PDZD2: variants seen among roughly 807,000 people sequenced by gnomAD.
PDZD2 encodes PDZ domain-containing protein 2.
A neutral mutation model predicts 220.7 loss-of-function variants in PDZD2; 90 were observed. The ratio of observed to expected loss-of-function variants is 0.41; its 90% CI spans 0.34 to 0.49. The LOEUF is 0.49. PDZD2 is among the 20% of genes least tolerant of loss of function. The pLI is 0.28. For missense variants in PDZD2, 3,174 were observed against 3,608.5 expected (o/e 0.88, Z 3.08); for synonymous variants, 1,375 against 1,450.5 (o/e 0.95, Z 1.18).
intron 1 of PDZD2, among the ~76,000 whole-genome samples, chr5:31,662,251 C>T (rs1217312385): frequency 1.3e-5 from 2 of 152,066 alleles, no homozygotes; most frequent in Admixed American, 6.6e-5. Context: ...GCAGAGGTTG[C>T]AGTGGGCTGA....
chr5:31,776,065 G>C (rs1752626474), intron 1 of PDZD2, among the ~76,000 whole-genome samples: 1 of 152,144 alleles, frequency 6.6e-6, no homozygotes, highest in Admixed American at 6.5e-5. Context: ...GTCTGGTTTG[G>C]AGTCCTGACA....
intron 1 of PDZD2, chr5:31,725,852 C>A (rs763482549): frequency 2.9e-5 from 23 of 787,492 alleles, no homozygotes; most frequent in Non-Finnish European, 5.3e-5. Flanking sequence ...ATGGCTTCTG[C>A]TACGCCGTGG....
intron 2 of PDZD2, among the ~76,000 whole-genome samples, chr5:31,842,878 G>GT (rs2150286278): frequency 1.3e-5 from 2 of 151,702 alleles, no homozygotes; most frequent in African/African-American, 4.8e-5. Context: ...TTGTTGTTTT[G>GT]TTTTTTCTTT....
At chr5:31,910,763 C>G (rs1315109770) in intron 2 of PDZD2, among the ~76,000 whole-genome samples, 2 of 151,922 alleles carry the variant, frequency 1.3e-5, no homozygotes, top group Admixed American at 1.3e-4. Context: ...CTCCTGACCT[C>G]AAGCTATCCA....
At position 32,065,973 on chromosome 5, in the gene PDZD2, G is replaced by A. The variant is rs368820993; in HGVS notation, c.2452-3596G>A. 1.7e-4 allele frequency among the ~76,000 whole-genome samples: 25 copies of A among 151,224 alleles called. No individual in the cohort carries two copies. The South Asian group carries it at 1.9e-3, about 11-fold the overall frequency. ...TGGGAGGCGGAGGTTGCAGTGAGCCGAGATCGCACCATCACACTCCAGCCT... is the reference window on the plus strand; with the variant it reads ...TGGGAGGCGGAGGTTGCAGTGAGCCAAGATCGCACCATCACACTCCAGCCT... On this transcript the variant is annotated intron_variant, in intron 14 of 24. Coordinates refer to ENST00000438447, the MANE Select transcript of PDZD2 (RefSeq NM_178140.4).
intron 1 of PDZD2, among the ~76,000 whole-genome samples, chr5:31,674,789 T>C: frequency 6.6e-6 from 1 of 152,018 alleles, no homozygotes; most frequent in South Asian, 2.1e-4. Context: ...GGTATGGTAC[T>C]GTGAGCTCTA....
At chr5:31,662,874 C>CCAA (rs1745830840) in intron 1 of PDZD2, among the ~76,000 whole-genome samples, 1 of 152,212 alleles carries the variant, frequency 6.6e-6, no homozygotes, top group Non-Finnish European at 1.5e-5. Flanking sequence ...TTGTGATCCA[C>CCAA]CCGCTGTGGC....
intron 2 of PDZD2, among the ~76,000 whole-genome samples, chr5:31,877,470 C>T (rs572069814): frequency 1.3e-3 from 203 of 152,096 alleles, no homozygotes; most frequent in Non-Finnish European, 2.2e-3. Context: ...CTGTCTCCCT[C>T]GGCCTCTCAA....
intron 1 of PDZD2, among the ~76,000 whole-genome samples, chr5:31,643,277 A>G (rs753092738): frequency 1.3e-5 from 2 of 152,212 alleles, no homozygotes; most frequent in Admixed American, 6.5e-5. Context: ...GCTGTGGATG[A>G]AAAGTTTTGG....
chr5:31,874,462 C>G (rs1324896482), intron 2 of PDZD2, among the ~76,000 whole-genome samples: 1 of 151,996 alleles, frequency 6.6e-6, no homozygotes, highest in East Asian at 1.9e-4. Flanking sequence ...CTTTTCAAAA[C>G]TTGAAAGAGA....
rs544848718 is a variant in PDZD2, at chr5:31,882,795, G to A, written c.476+83071G>A. Among the ~76,000 whole-genome samples the A allele has an allele frequency of 2.6e-4, 40 of 152,036 alleles. No individual in the cohort carries two copies. The East Asian group carries it at 5.0e-3, about 19-fold the overall frequency. On this transcript the variant is annotated intron_variant, in intron 2 of 24. Coordinates refer to ENST00000438447, the MANE Select transcript of PDZD2 (RefSeq NM_178140.4). ...TAAAATCCCAGCACTTTGGGAGGCC[G>A]AGGTGGGCGGATCACTTGAGGCCAG...
chr5:31,705,987 G>A (rs957836462), intron 1 of PDZD2, among the ~76,000 whole-genome samples: 1 of 152,122 alleles, frequency 6.6e-6, no homozygotes, highest in African/African-American at 2.4e-5. Flanking sequence ...GGGAGGCGGA[G>A]GTTGCAGTGA....
intron 1 of PDZD2, among the ~76,000 whole-genome samples, chr5:31,783,262 A>AT (rs146435699): frequency 0.02 from 2,967 of 149,916 alleles, 86 homozygotes; most frequent in African/African-American, 0.065. Flanking sequence ...CTTTCTTTCC[A>AT]TTTTTTTTTC....
rs768825857 is a variant in PDZD2 at position 32,098,024 on chromosome 5, C to T, written c.7948-340C>T. Among the ~76,000 whole-genome samples the T allele has an allele frequency of 9.2e-5, 14 of 152,222 alleles. No homozygotes were observed. The highest frequency in any genetic ancestry group is 2.9e-4 in the African/African-American group (12 of 41,542). ...ATCCCAGCACTTTGGGAGGTCGAGG[C>T]GGGTGGATCACCTGAGGTCAGGAGT... On this transcript the variant is annotated intron_variant, in intron 22 of 24. Coordinates refer to ENST00000438447, the MANE Select transcript of PDZD2 (RefSeq NM_178140.4). The surrounding 1 kb of genome is among the most constrained non-coding windows in gnomAD (Gnocchi z 4.1).
At chr5:32,072,395 C>T in intron 17 of PDZD2, 78 bp downstream of exon 17, 1 of 1,188,900 alleles carries the variant, frequency 8.4e-7, no homozygotes, top group East Asian at 2.4e-5. Flanking sequence ...GTGCTGGCGG[C>T]TACAATGGTT....
chr5:32,089,079 G>A lies in PDZD2; in HGVS notation c.5631G>A (p.Gln1877=), dbSNP rs145719301. 6.2e-7 allele frequency: 1 copy of A among 1,613,936 alleles called. No individual in the cohort carries two copies. Among genetic ancestry groups the A allele is most frequent in the African/African-American group, 1.3e-5 (1 of 74,936 alleles). The change falls in exon 20 of 25, where the codon CAG becomes CAA. Residue 1877 remains glutamine, a synonymous_variant. Transcript: ENST00000438447. The stretch of plus-strand genomic sequence containing the variant: ...CAGAAATGCTTCTGACTAATGGTCA[G>A]AAGGCAAAGTGTGGTCCGAAGCTGA... The part of the protein sequence containing the change: ...SPAEMLLTNG[Q]KAKCGPKLKR...
chr5:32,040,973 A>T (rs12658110), intron 7 of PDZD2, among the ~76,000 whole-genome samples: 1 of 124,554 alleles, frequency 8.0e-6, no homozygotes, highest in African/African-American at 3.0e-5. Context: ...CTGCCTGGCC[A>T]CCCCGTCTGG....
At chr5:32,039,713 G>C (rs1433227984) in intron 7 of PDZD2, among the ~76,000 whole-genome samples, 1 of 128,730 alleles carries the variant, frequency 7.8e-6, no homozygotes, top group East Asian at 2.3e-4. Flanking sequence ...CTGCCCGGCC[G>C]CCCCGTCTGG....
chr5:31,696,503 G>C (rs764681213), intron 1 of PDZD2, among the ~76,000 whole-genome samples: 1 of 151,998 alleles, frequency 6.6e-6, no homozygotes, highest in Admixed American at 6.6e-5. Flanking sequence ...GAGGTCTCAC[G>C]CTATTGCCAG....
Sources: gnomAD v4.1 joint callset for allele counts (sites outside exome capture counted in the v4.1 genomes callset) on GRCh38, gnomAD v4.1.1 for gene constraint, Gnocchi (gnomAD v3.1) non-coding constraint, MANE v1.5 for transcripts, NCBI Gene and HGNC (gene_info 2026-07-23, HGNC 2026-07-21) for gene names.